GREB1L: variants seen among roughly 807,000 people sequenced by gnomAD.
GREB1L encodes the protein GREB1 like retinoic acid receptor coactivator, also known as GREB1-like protein.
Under a neutral mutation model 200.8 loss-of-function variants are expected in GREB1L, and 17 were observed. That is an observed-to-expected ratio of 0.08 (90% CI 0.06 to 0.13). The LOEUF (loss-of-function observed/expected upper bound fraction) is 0.13. GREB1L is among the 10% of genes least tolerant of loss of function. GREB1L has a pLI of 1.00. For synonymous variants in GREB1L, 789 were observed against 893.0 expected (o/e 0.88, Z 2.08); for missense variants, 1,657 against 2,367.7 (o/e 0.70, Z 6.23).
chr18:21,392,595 G>A (rs971654510), intron 4 of GREB1L, among the ~76,000 whole-genome samples: 1 of 151,718 alleles, frequency 6.6e-6, no homozygotes, highest in Non-Finnish European at 1.5e-5. Flanking sequence ...TGTTAAAAAG[G>A]GATCTATAAG....
chr18:21,279,780 G>A (rs2038237180), intron 1 of GREB1L, among the ~76,000 whole-genome samples: 2 of 152,242 alleles, frequency 1.3e-5, no homozygotes, highest in East Asian at 3.9e-4. Flanking sequence ...AGAGTAGCTG[G>A]GACTACAGGT....
intron 21 of GREB1L, among the ~76,000 whole-genome samples, chr18:21,498,791 C>A (rs2036657000): frequency 6.6e-6 from 1 of 152,140 alleles, no homozygotes; most frequent in Non-Finnish European, 1.5e-5. Flanking sequence ...AAGCTCTCCC[C>A]CAAGGCAGAG....
At chr18:21,502,730 G>T (rs2036849583) in intron 23 of GREB1L, among the ~76,000 whole-genome samples, 1 of 152,164 alleles carries the variant, frequency 6.6e-6, no homozygotes, top group Non-Finnish European at 1.5e-5. Flanking sequence ...CCCAGAAAGA[G>T]CTGAGCCAGA....
intron 7 of GREB1L, among the ~76,000 whole-genome samples, chr18:21,422,277 T>C (rs1476227175): frequency 6.6e-6 from 1 of 152,186 alleles, no homozygotes. Context: ...TTTGGATATT[T>C]AGGGGCTACT....
chr18:21,445,575 A>G (rs2034171643), intron 11 of GREB1L, among the ~76,000 whole-genome samples: 1 of 152,236 alleles, frequency 6.6e-6, no homozygotes, highest in African/African-American at 2.4e-5. Flanking sequence ...AATTTTAGAA[A>G]ATACTTCAGT....
chr18:21,344,139 C>T (rs956025447), intron 1 of GREB1L, among the ~76,000 whole-genome samples: 2 of 152,152 alleles, frequency 1.3e-5, no homozygotes, highest in Non-Finnish European at 2.9e-5. Flanking sequence ...CGGTGGCTCA[C>T]GCCTGTAATG....
intron 1 of GREB1L, among the ~76,000 whole-genome samples, chr18:21,249,538 G>C (rs746290897): frequency 3.6e-4 from 54 of 152,112 alleles, no homozygotes; most frequent in Admixed American, 2.1e-3. Context: ...GTTAAGTGCT[G>C]GGGATGCTGC....
At chr18:21,460,399 G>C (rs1024917809) in intron 15 of GREB1L, among the ~76,000 whole-genome samples, 1 of 151,928 alleles carries the variant, frequency 6.6e-6, no homozygotes, top group Non-Finnish European at 1.5e-5. Flanking sequence ...AGGTTGGAGT[G>C]CAATGGCACA....
intron 32 of GREB1L, among the ~76,000 whole-genome samples, chr18:21,521,382 AAAAG>A (rs1392604536): frequency 5.3e-5 from 8 of 151,898 alleles, no homozygotes; most frequent in African/African-American, 1.5e-4. Context: ...AAAAAAAAAA[AAAAG>A]AGAGACTGGC....
chr18:21,445,257 C>G (rs1181754696), intron 11 of GREB1L, among the ~76,000 whole-genome samples: 1 of 152,202 alleles, frequency 6.6e-6, no homozygotes, highest in Non-Finnish European at 1.5e-5. Flanking sequence ...GGCGGATCAC[C>G]TGAGGTGGGG....
chr18:21,391,432 T>G (rs1446607009), intron 4 of GREB1L, among the ~76,000 whole-genome samples: 2 of 152,224 alleles, frequency 1.3e-5, no homozygotes, highest in East Asian at 3.9e-4. Context: ...TCTATGATGT[T>G]CACACAACAA....
At position 21,513,927 on chromosome 18, in the gene GREB1L, C is replaced by A; in HGVS notation, c.4842C>A (p.Ile1614=). The change falls in exon 28 of 33, where the codon ATC becomes ATA. Residue 1614 remains isoleucine, a synonymous_variant. Transcript: ENST00000424526. ...GIKRQCVWPF[I]VMMDDSCVLW... ...AACGCCAGTGTGTCTGGCCTTTCAT[C>A]GTCATGATGGATGACTCATGTGTCC... 2 of 1,551,636 alleles carry A rather than the reference C, an allele frequency of 1.3e-6. No individual in the cohort carries two copies. Among genetic ancestry groups the A allele is most frequent in the Non-Finnish European group, 1.7e-6 (2 of 1,146,922 alleles).
intron 7 of GREB1L, among the ~76,000 whole-genome samples, chr18:21,406,979 A>G (rs931503199): frequency 6.7e-6 from 1 of 150,258 alleles, no homozygotes; most frequent in Non-Finnish European, 1.5e-5. Context: ...AGTTCAAGAG[A>G]TTCTCCTGCC....
chr18:21,276,540 C>T (rs986224722), intron 1 of GREB1L, among the ~76,000 whole-genome samples: 2 of 152,186 alleles, frequency 1.3e-5, no homozygotes, highest in Admixed American at 1.3e-4. Flanking sequence ...GCCTGTTCCA[C>T]CATCCTTTCC....
In GREB1L at chr18:21,499,834, A is replaced by T. The variant is rs2036701678; in HGVS notation, c.3497A>T (p.Asp1166Val). 6.4e-7 allele frequency: 1 copy of T among 1,551,678 alleles called. No individual in the cohort carries two copies. Among genetic ancestry groups the T allele is most frequent in the Non-Finnish European group, 8.7e-7 (1 of 1,146,934 alleles). Residue 1166 changes from aspartate to valine, a missense_variant, in exon 22 of 33, where the codon GAT (aspartate) becomes GTT (valine). Physicochemically the swap from Asp to Val is radical, Grantham distance 152. Around this residue, in one of 9 missense-constraint regions of GREB1L, gnomAD observed 512 missense variants for 668.3 expected, o/e 0.77. Coordinates refer to ENST00000424526, the MANE Select transcript of GREB1L (RefSeq NM_001142966.3). ...FQSPATSLGL[D>V]EGVSASSAGA... ...AGCCCAGCCACCAGCTTGGGGCTGG[A>T]TGAAGGGGTCTCCGCCAGCTCAGCT... is the stretch of plus-strand genomic sequence containing the variant.
chr18:21,409,683 C>T (rs1255080598), intron 7 of GREB1L, among the ~76,000 whole-genome samples: 13 of 152,118 alleles, frequency 8.5e-5, no homozygotes, highest in East Asian at 1.9e-4. Context: ...AGATGGTAAA[C>T]AGCACAGGGC....
chr18:21,355,218 G>T (rs1024802959), intron 1 of GREB1L, among the ~76,000 whole-genome samples: 1 of 149,340 alleles, frequency 6.7e-6, no homozygotes. Context: ...TTTTGAGATG[G>T]AGGCTTGCTC....
At chr18:21,386,387 G>A (rs1235560124) in intron 4 of GREB1L, among the ~76,000 whole-genome samples, 15 of 152,112 alleles carry the variant, frequency 9.9e-5, no homozygotes. Flanking sequence ...CACCTCCCGG[G>A]TTCAAGCAGT....
intron 2 of GREB1L, among the ~76,000 whole-genome samples, chr18:21,372,807 G>C (rs1365396775): frequency 6.6e-6 from 1 of 152,144 alleles, no homozygotes; most frequent in Non-Finnish European, 1.5e-5. Context: ...TGTAATCCCA[G>C]CTAGTTGGGA....
Sources: gnomAD v4.1 joint callset for allele counts (sites outside exome capture counted in the v4.1 genomes callset) on GRCh38, gnomAD v4.1.1 for gene constraint, gnomAD v4.1.1 regional missense constraint, MANE v1.5 for transcripts, NCBI Gene and HGNC (gene_info 2026-07-23, HGNC 2026-07-21) for gene names.